The following CEP112 variants were observed in gnomAD, a reference collection of about 807,000 sequenced individuals.
CEP112 encodes the protein centrosomal protein 112.
In CEP112, 127 loss-of-function variants were observed where a neutral mutation model predicts 153.0. That is an observed-to-expected ratio of 0.83 (90% CI 0.72 to 0.96). The LOEUF (loss-of-function observed/expected upper bound fraction) is 0.96, where lower values mean the gene tolerates loss of function less well. CEP112 is among the 40% of genes least tolerant of loss of function. CEP112 has a pLI of 0.00. For missense variants in CEP112, 1,089 were observed against 1,101.2 expected, an observed-to-expected ratio of 0.99 and a Z score of 0.16; for synonymous variants, 358 against 374.4, an observed-to-expected ratio of 0.96 and a Z score of 0.51.
At chr17:65,834,216 A>G (rs1335395662) in intron 21 of CEP112, among the ~76,000 whole-genome samples, 3 of 152,236 alleles carry the variant, frequency 2.0e-5, no homozygotes, top group African/African-American at 7.2e-5. Context: ...ATAATTAAAG[A>G]CTTAAATGTA....
intron 12 of CEP112, among the ~76,000 whole-genome samples, chr17:66,040,403 AT>A (rs993138600): frequency 2.7e-5 from 4 of 150,086 alleles, no homozygotes; most frequent in Admixed American, 1.3e-4. Flanking sequence ...TTTCTTGATG[AT>A]TTTTTTCTAT....
intron 6 of CEP112, among the ~76,000 whole-genome samples, chr17:66,108,503 T>C (rs1343832978): frequency 6.6e-6 from 1 of 152,174 alleles, no homozygotes; most frequent in Non-Finnish European, 1.5e-5. Context: ...CAAACAGACA[T>C]ATGACAAGAT....
intron 20 of CEP112, among the ~76,000 whole-genome samples, chr17:65,877,441 T>C (rs2058874464): frequency 6.6e-6 from 1 of 152,220 alleles, no homozygotes; most frequent in South Asian, 2.1e-4. Flanking sequence ...CTCAGTGGAA[T>C]GGAGTCTCCC....
intron 21 of CEP112, among the ~76,000 whole-genome samples, chr17:65,759,936 A>G (rs2052511449): frequency 6.6e-6 from 1 of 152,178 alleles, no homozygotes; most frequent in African/African-American, 2.4e-5. Context: ...AACCCATTGT[A>G]AAGTCAAAAA....
intron 12 of CEP112, among the ~76,000 whole-genome samples, chr17:66,044,252 C>T (rs995370): frequency 0.41 from 62,297 of 151,500 alleles, 14,260 homozygotes; most frequent in East Asian, 0.87. Flanking sequence ...ATGCAATAAA[C>T]ATCAAAGCAA....
chr17:65,847,959 T>C (rs540668512), intron 21 of CEP112, among the ~76,000 whole-genome samples: 29 of 152,204 alleles, frequency 1.9e-4, no homozygotes, highest in Non-Finnish European at 3.7e-4. Flanking sequence ...AAAAGACCAA[T>C]GGACCCTTGC....
chr17:66,052,901 G>A (rs1044762971), intron 12 of CEP112, among the ~76,000 whole-genome samples: 1 of 152,028 alleles, frequency 6.6e-6, no homozygotes, highest in Admixed American at 6.5e-5. Flanking sequence ...GAGTCCAGGA[G>A]TTCAAGACCA....
intron 21 of CEP112, among the ~76,000 whole-genome samples, chr17:65,769,989 C>T (rs546281217): frequency 6.6e-6 from 1 of 151,940 alleles, no homozygotes; most frequent in South Asian, 2.1e-4. Context: ...ACTGAATAAT[C>T]TCAGTTATCT....
intron 6 of CEP112, among the ~76,000 whole-genome samples, chr17:66,111,246 A>G (rs770179070): frequency 2.0e-5 from 3 of 152,194 alleles, no homozygotes; most frequent in Non-Finnish European, 4.4e-5. Context: ...GAACACTTAT[A>G]CGCTGTTGAT....
intron 25 of CEP112, among the ~76,000 whole-genome samples, chr17:65,637,667 T>A (rs924284019): frequency 4.6e-5 from 7 of 152,222 alleles, no homozygotes; most frequent in African/African-American, 1.7e-4. Context: ...AGCGGTCCCC[T>A]CCTCTGTGTT....
chr17:66,072,805 T>TCCA (rs971796574), intron 8 of CEP112, among the ~76,000 whole-genome samples: 2 of 152,118 alleles, frequency 1.3e-5, no homozygotes, highest in Non-Finnish European at 2.9e-5. Flanking sequence ...CCTCTATATT[T>TCCA]CCACCCTGTA....
At chr17:66,083,364 A>C (rs2067797368) in intron 8 of CEP112, among the ~76,000 whole-genome samples, 6 of 151,670 alleles carry the variant, frequency 4.0e-5, no homozygotes, top group Admixed American at 3.9e-4. Flanking sequence ...AGTCCATTAA[A>C]CCTCTTTTTC....
intron 11 of CEP112, among the ~76,000 whole-genome samples, chr17:66,062,400 T>C (rs1039045851): frequency 1.3e-5 from 2 of 152,074 alleles, no homozygotes; most frequent in South Asian, 4.1e-4. Context: ...AGAGAGGAAT[T>C]TGAATGTCCT....
chr17:65,689,144 C>T lies in CEP112; in HGVS notation c.2682G>A (p.Leu894=), dbSNP rs1421031. 1.0e-3 allele frequency: 1,687 copies of T among 1,611,588 alleles called. 11 individuals are homozygous for T. The African/African-American group carries it at 0.02, about 19-fold the overall frequency. The change falls in exon 24 of 27, where the codon TTG becomes TTA. Residue 894 remains leucine (L), a synonymous_variant. Transcript: ENST00000535342. ...GAGAGGGTACCTGTTCCTGTGACTC[C>T]AATTCTTTGTGTTGTAATTTTTTCT... ...CAEKKLQHKE[L]ESQEQITYIR... is the part of the protein sequence containing the mutation.
chr17:65,979,701 C>T (rs952528491), intron 17 of CEP112, among the ~76,000 whole-genome samples: 5 of 152,032 alleles, frequency 3.3e-5, no homozygotes, highest in Admixed American at 2.0e-4. Context: ...TAAAACATAA[C>T]GATTCCAGTT....
At chr17:66,056,212 A>G (rs1179786813) in intron 11 of CEP112, among the ~76,000 whole-genome samples, 1 of 152,206 alleles carries the variant, frequency 6.6e-6, no homozygotes, top group East Asian at 1.9e-4. Flanking sequence ...TTCGTCTTTA[A>G]CCATATAGTT....
intron 21 of CEP112, among the ~76,000 whole-genome samples, chr17:65,751,532 G>T (rs1306993075): frequency 6.6e-6 from 1 of 152,108 alleles, no homozygotes; most frequent in Non-Finnish European, 1.5e-5. Context: ...ACTGGGAAAG[G>T]CTGGTCATTA....
At chr17:65,751,722 C>A (rs182722414) in intron 21 of CEP112, among the ~76,000 whole-genome samples, 1 of 152,252 alleles carries the variant, frequency 6.6e-6, no homozygotes, top group East Asian at 1.9e-4. Context: ...ACTTTATATT[C>A]TGCCATCATA....
chr17:66,023,205 A>T (rs1273682974), intron 16 of CEP112, among the ~76,000 whole-genome samples: 1 of 152,194 alleles, frequency 6.6e-6, no homozygotes, highest in Non-Finnish European at 1.5e-5. Flanking sequence ...CACATACAAG[A>T]AGTGCAACAA....
Sources: gnomAD v4.1 joint callset for allele counts (sites outside exome capture counted in the v4.1 genomes callset) on GRCh38, gnomAD v4.1.1 for gene constraint, MANE v1.5 for transcripts, NCBI Gene and HGNC (gene_info 2026-07-23, HGNC 2026-07-21) for gene names.